Variants in ZFAND3 observed in about 807,000 individuals in gnomAD.
ZFAND3 encodes zinc finger AN1-type containing 3, also known as AN1-type zinc finger protein 3.
ZFAND3 carries 10 observed loss-of-function variants against 29.6 expected under a neutral mutation model. That is an observed-to-expected ratio of 0.34 (90% CI 0.21 to 0.57). The LOEUF (loss-of-function observed/expected upper bound fraction) is 0.57. Ranked by LOEUF, ZFAND3 falls within the 20% of genes least tolerant of loss-of-function variation. ZFAND3 has a pLI of 0.86. For missense variants in ZFAND3, 230 were observed against 304.5 expected (o/e 0.76, Z 1.82); for synonymous variants, 128 against 112.6 (o/e 1.14, Z -0.87).
At chr6:37,930,566 A>C (rs559476943) in intron 2 of ZFAND3, among the ~76,000 whole-genome samples, 1 of 152,078 alleles carries the variant, frequency 6.6e-6, no homozygotes, top group Non-Finnish European at 1.5e-5. Context: ...CCCTCATTCA[A>C]ATCACCTCGG....
chr6:37,980,922 T>C (rs1174736211), intron 2 of ZFAND3, among the ~76,000 whole-genome samples: 1 of 152,206 alleles, frequency 6.6e-6, no homozygotes, highest in South Asian at 2.1e-4. Flanking sequence ...AGTACCTAGC[T>C]TGGTGAAGTA....
chr6:37,843,637 A>G (rs1407059347), intron 1 of ZFAND3, among the ~76,000 whole-genome samples: 2 of 152,224 alleles, frequency 1.3e-5, no homozygotes, highest in South Asian at 2.1e-4. Context: ...ATTCCTGTTT[A>G]GAGACCAGTG....
At chr6:38,145,561 A>G (rs1456243588) in intron 5 of ZFAND3, among the ~76,000 whole-genome samples, 2 of 152,176 alleles carry the variant, frequency 1.3e-5, no homozygotes, top group African/African-American at 2.4e-5. Flanking sequence ...AATGAATTGT[A>G]TCCATTTCAG....
intron 2 of ZFAND3, among the ~76,000 whole-genome samples, chr6:37,979,903 T>C (rs1400600435): frequency 6.6e-6 from 1 of 152,240 alleles, no homozygotes; most frequent in Non-Finnish European, 1.5e-5. Context: ...CAGGGCCCAG[T>C]GTAAAATGAA....
intron 2 of ZFAND3, among the ~76,000 whole-genome samples, chr6:38,012,632 C>G (rs1407290375): frequency 6.6e-6 from 1 of 152,162 alleles, no homozygotes; most frequent in Non-Finnish European, 1.5e-5. Flanking sequence ...CCGCCTCGGC[C>G]TTCCAAAGTG....
At chr6:37,945,290 A>G (rs1232859602) in intron 2 of ZFAND3, among the ~76,000 whole-genome samples, 1 of 152,272 alleles carries the variant, frequency 6.6e-6, no homozygotes, top group Non-Finnish European at 1.5e-5. Flanking sequence ...ACCACCCTGT[A>G]TTATTCCTGT....
chr6:38,121,995 A>G (rs1233708950), intron 5 of ZFAND3, among the ~76,000 whole-genome samples: 1 of 152,210 alleles, frequency 6.6e-6, no homozygotes, highest in South Asian at 2.1e-4. Flanking sequence ...TACTAACTCT[A>G]GCACTCCCTC....
chr6:37,882,733 C>T (rs1235692979), intron 1 of ZFAND3, among the ~76,000 whole-genome samples: 2 of 151,876 alleles, frequency 1.3e-5, no homozygotes, highest in Non-Finnish European at 2.9e-5. Context: ...GGGCTGCATA[C>T]AAAGATAATG....
At chr6:38,089,646 G>A (rs370426198) in intron 4 of ZFAND3, among the ~76,000 whole-genome samples, 3 of 152,300 alleles carry the variant, frequency 2.0e-5, no homozygotes, top group African/African-American at 7.2e-5. Context: ...AAAGGTGTTG[G>A]TATTAAATCA....
At chr6:37,911,145 AT>A (rs1765513469) in intron 1 of ZFAND3, among the ~76,000 whole-genome samples, 1 of 152,196 alleles carries the variant, frequency 6.6e-6, no homozygotes, top group African/African-American at 2.4e-5. Flanking sequence ...ACTAATTCCA[AT>A]GAGTAGTATA....
At chr6:37,985,528 C>CACACACACA (rs372598964) in intron 2 of ZFAND3, among the ~76,000 whole-genome samples, 108 of 127,658 alleles carry the variant, frequency 8.5e-4, no homozygotes, top group Admixed American at 1.5e-3. Context: ...CACACACACA[C>CACACACACA]CCCCACACAC....
chr6:38,152,240 G>T lies in ZFAND3; in HGVS notation c.535G>T (p.Val179Leu). 2 of 1,527,578 alleles carry T rather than the reference G, an allele frequency of 1.3e-6. No individual in the cohort carries two copies. The highest frequency in any genetic ancestry group is 2.8e-5 in the African/African-American group (2 of 71,824). 94.6% of individuals were successfully genotyped at this position (1,527,578 alleles called of 1,614,324 possible). Residue 179 changes from valine to leucine, a missense_variant, in exon 6 of 6, where the codon GTG becomes TTG. Val to Leu is a conservative substitution (Grantham distance 32). Transcript: ENST00000287218. ...TGCTTCTCCCGCTGCTGCAGGTTAT[G>T]TGTTCTGTATGTTACATCGCCTCCC... ...QELGSCRCGY[V>L]FCMLHRLPEQ... is the part of the protein sequence containing the mutation.
chr6:37,887,750 T>C (rs1032004610), intron 1 of ZFAND3, among the ~76,000 whole-genome samples: 2 of 152,226 alleles, frequency 1.3e-5, no homozygotes, highest in African/African-American at 4.8e-5. Context: ...AATTAAGCTG[T>C]GAAGATGTTT....
In ZFAND3 at chr6:38,116,559, T is replaced by C. The variant is rs1309883431; in HGVS notation, c.362-13T>C. ...GCACTAATCCTGATCCCCAAATATGTTGTTTTGGTCAGATTCACAGTCTGA... is the reference window on the plus strand; with the variant it reads ...GCACTAATCCTGATCCCCAAATATGCTGTTTTGGTCAGATTCACAGTCTGA... On this transcript the variant is annotated splice_polypyrimidine_tract_variant and intron_variant, in intron 4 of 5. Transcript: ENST00000287218. 1 of 1,596,436 alleles carries C rather than the reference T, an allele frequency of 6.3e-7. No homozygotes were observed. Among genetic ancestry groups the C allele is most frequent in the East Asian group, 2.3e-5 (1 of 44,444 alleles).
chr6:37,844,774 G>A (rs1764146772), intron 1 of ZFAND3, among the ~76,000 whole-genome samples: 1 of 151,640 alleles, frequency 6.6e-6, no homozygotes, highest in South Asian at 2.1e-4. Context: ...CAGCACTTTG[G>A]GAGGCCGACG....
At chr6:38,114,684 G>A (rs998980034) in intron 4 of ZFAND3, among the ~76,000 whole-genome samples, 8 of 151,864 alleles carry the variant, frequency 5.3e-5, no homozygotes, top group African/African-American at 1.9e-4. Context: ...ACAATCTTGG[G>A]TGAAGTGCAG....
intron 1 of ZFAND3, among the ~76,000 whole-genome samples, chr6:37,881,818 T>C (rs1764900946): frequency 6.6e-6 from 1 of 152,090 alleles, no homozygotes; most frequent in Non-Finnish European, 1.5e-5. Context: ...TAGAGTTGAA[T>C]GCTGTTTGTA....
intron 2 of ZFAND3, among the ~76,000 whole-genome samples, chr6:37,996,036 G>A (rs1417229956): frequency 6.6e-6 from 1 of 151,870 alleles, no homozygotes; most frequent in African/African-American, 2.4e-5. Flanking sequence ...AGCTCAGGCA[G>A]GAGAATCGCT....
At chr6:38,029,661 G>C (rs2127450861) in intron 2 of ZFAND3, among the ~76,000 whole-genome samples, 1 of 152,124 alleles carries the variant, frequency 6.6e-6, no homozygotes, top group South Asian at 2.1e-4. Context: ...GCAAAAATTT[G>C]GGTACTTTAA....
Sources: gnomAD v4.1 joint callset for allele counts (sites outside exome capture counted in the v4.1 genomes callset) on GRCh38, gnomAD v4.1.1 for gene constraint, MANE v1.5 for transcripts, NCBI Gene and HGNC (gene_info 2026-07-23, HGNC 2026-07-21) for gene names.